SRP68: variants seen among roughly 807,000 people sequenced by gnomAD.
SRP68 encodes the protein signal recognition particle subunit SRP68.
In SRP68, 15 loss-of-function variants were observed where a neutral mutation model predicts 82.2. The ratio of observed to expected loss-of-function variants is 0.18; its 90% CI spans 0.12 to 0.28. The LOEUF (loss-of-function observed/expected upper bound fraction) is 0.28, where lower values mean the gene tolerates loss of function less well. Ranked by LOEUF, SRP68 falls within the 10% of genes least tolerant of loss-of-function variation. The pLI is 1.00. For synonymous variants in SRP68, 261 were observed against 292.6 expected (o/e 0.89, Z 1.10); for missense variants, 595 against 780.5 (o/e 0.76, Z 2.83).
Position 76,050,409 on chromosome 17 carries a change from G to A in SRP68, c.1077+19C>T. The A allele has an allele frequency of 6.3e-7, 1 of 1,591,560 alleles. No homozygotes were observed. Among genetic ancestry groups the A allele is most frequent in the African/African-American group, 1.3e-5 (1 of 74,556 alleles). On this transcript the variant is annotated intron_variant, in intron 9 of 15. Transcript: ENST00000307877. ...GGACCCGCCCAGAGCAAGAACCAGG[G>A]CTCGGCTGAGGGTCCTACCTGATCT...
chr17:76,048,202 G>A (rs967686903), intron 9 of SRP68: 2 of 240,942 alleles, frequency 8.3e-6, no homozygotes, highest in Non-Finnish European at 8.1e-6. Context: ...TGAGAGTAAC[G>A]GCCAGATGAG....
chr17:76,042,218 A>G (rs1466210867), intron 13 of SRP68, among the ~76,000 whole-genome samples: 1 of 151,988 alleles, frequency 6.6e-6, no homozygotes, highest in Non-Finnish European at 1.5e-5. Flanking sequence ...CTACTTGTCA[A>G]ATATACATGG....
Position 76,057,497 on chromosome 17 carries a change from T to C in SRP68, c.884A>G (p.Glu295Gly). The change falls in exon 8 of 16, where the codon GAA becomes GGA. Residue 295 changes from glutamate (E) to glycine (G), a missense_variant. Around this residue, in one of 2 missense-constraint regions of SRP68, gnomAD observed 495 missense variants for 688.6 expected, o/e 0.72. Transcript: ENST00000307877. ...AACCGTTCTCCCTCTCCACTCCACT[T>C]CACTCATGGTAGCTGCCTGTTTGGC... ...TRAKQAATMSEVEWRGRTVPV... is the reference protein window; with the variant it reads ...TRAKQAATMSGVEWRGRTVPV... 1 of 1,614,158 alleles carries C rather than the reference T, an allele frequency of 6.2e-7. No individual in the cohort carries two copies. Among genetic ancestry groups the C allele is most frequent in the Non-Finnish European group, 8.5e-7 (1 of 1,180,030 alleles).
intron 8 of SRP68, chr17:76,053,714 T>G: frequency 1.0e-5 from 9 of 891,752 alleles, no homozygotes; most frequent in Non-Finnish European, 1.2e-5. Context: ...CACACTGCAA[T>G]GACTCAGACC....
At position 76,067,341 on chromosome 17, in the gene SRP68, C is replaced by A; in HGVS notation, c.252-11G>T. On this transcript the variant is annotated splice_polypyrimidine_tract_variant and intron_variant, in intron 2 of 15. Coordinates refer to ENST00000307877, the MANE Select transcript of SRP68 (RefSeq NM_014230.4). ...CGGGAACAGTAGCCCCTGTAAGAAA[C>A]CACAAACAAAACTCACTCAGCCAAG... 6.2e-7 allele frequency: 1 copy of A among 1,600,464 alleles called. No individual in the cohort carries two copies. The highest frequency in any genetic ancestry group is 1.1e-5 in the South Asian group (1 of 89,700).
At chr17:76,069,642 G>A (rs1464668227) in intron 2 of SRP68, among the ~76,000 whole-genome samples, 1 of 151,998 alleles carries the variant, frequency 6.6e-6, no homozygotes, top group African/African-American at 2.4e-5. Context: ...GGGAGGCGGA[G>A]GTTGCAGTGA....
chr17:76,072,326 C>A lies in SRP68; in HGVS notation c.166G>T (p.Asp56Tyr). 1 of 1,612,406 alleles carries A rather than the reference C, an allele frequency of 6.2e-7. No individual in the cohort carries two copies. Among genetic ancestry groups the A allele is most frequent in the Non-Finnish European group, 8.5e-7 (1 of 1,179,522 alleles). The change falls in exon 1 of 16, where the codon GAT (aspartate) becomes TAT (tyrosine). Residue 56 changes from aspartate to tyrosine, a missense_variant. Asp to Tyr is a radical substitution (Grantham distance 160). Coordinates refer to ENST00000307877, the MANE Select transcript of SRP68 (RefSeq NM_014230.4). This position sits in a 1 kb window ranked among gnomAD's most constrained non-coding sequence, Gnocchi z 4.5. ...AGGATACTCTCCAAACTCAGGCTAT[C>A]CCCAAATTCTTTGTTTGCCTTCGAT... The part of the protein sequence containing the change: ...AGSKANKEFG[D>Y]SLSLEILQII...
Position 76,061,419 on chromosome 17 carries a change from C to CT in SRP68, c.644+72dup, listed in dbSNP as rs2066751331. 3.0e-6 allele frequency: 4 copies of CT among 1,332,304 alleles called. No individual in the cohort carries two copies. The Admixed American group carries it at 7.0e-5, about 23-fold the overall frequency. The allele number at this position is 1,332,304 out of a possible 1,614,324, so 82.5% of individuals were successfully genotyped here. A position where few individuals can be genotyped will look rare whatever the true frequency, so the allele number is the denominator to read the frequency against. Reference sequence around the variant, plus strand: ...CCCTCACTTTCACAGAAACAATCCACTATCTGATCTGCAGCTTAAATTTGA... The same window carrying CT: ...CCCTCACTTTCACAGAAACAATCCACTTATCTGATCTGCAGCTTAAATTTGA... On this transcript the variant is annotated intron_variant, in intron 5 of 15. Coordinates refer to ENST00000307877, the MANE Select transcript of SRP68 (RefSeq NM_014230.4).
chr17:76,056,115 A>G lies in SRP68; in HGVS notation c.978+1288T>C, dbSNP rs148334368. 1.7e-4 allele frequency among the ~76,000 whole-genome samples: 26 copies of G among 152,128 alleles called. No homozygotes were observed. The East Asian group carries it at 4.8e-3, about 28-fold the overall frequency. On this transcript the variant is annotated intron_variant, in intron 8 of 15. Transcript: ENST00000307877. ...GCCATGAGCCACCGTGCCAGCAGTA[A>G]CTTTTCAAAATTACTTAATAAATGC...
rs1454900123 is a variant in SRP68 at position 76,050,566 on chromosome 17, G to A, written c.979-40C>T. On this transcript the variant is annotated intron_variant, in intron 8 of 15. Transcript: ENST00000307877. ...ATCAAAGTAAGAGACTTTCCTTTGA[G>A]CAAACCATAGTCACCTAATGGGAGA... is the stretch of plus-strand genomic sequence containing the variant. The A allele has an allele frequency of 4.0e-6, 6 of 1,514,150 alleles. No homozygotes were observed. In the South Asian group the frequency reaches 4.5e-5, roughly 11 times the overall value. 93.8% of individuals were successfully genotyped at this position (1,514,150 alleles called of 1,614,324 possible).
Position 76,039,254 on chromosome 17 carries a change from T to C in SRP68, c.*452A>G, listed in dbSNP as rs1444259635. 1 of 443,510 alleles carries C rather than the reference T, an allele frequency of 2.3e-6. No individual in the cohort carries two copies. The highest frequency in any genetic ancestry group is 4.6e-6 in the Non-Finnish European group (1 of 218,134). The allele number at this position is 443,510 out of a possible 1,614,324, so 27.5% of individuals were successfully genotyped here. A position where few individuals can be genotyped will look rare whatever the true frequency, so the allele number is the denominator to read the frequency against. On this transcript the variant is annotated 3_prime_UTR_variant, in exon 16 of 16. Transcript: ENST00000307877. ...AATAAGGCTGACCGTAATTCTGGGG[T>C]GACGTTGCCAGTTTCATAGTCATAG...
chr17:76,072,479 T>G lies in SRP68; in HGVS notation c.13A>C (p.Lys5Gln). The G allele has an allele frequency of 3.2e-6, 5 of 1,582,226 alleles. No homozygotes were observed. The highest frequency in any genetic ancestry group is 4.3e-6 in the Non-Finnish European group (5 of 1,171,844). MAAE[K>Q]QVPGGGGGGG... ...CCGCCGCCGCCGCCTGGGACCTGCT[T>G]CTCAGCAGCCATCTTGCCCCTGCGC... Residue 5 changes from lysine (K) to glutamine (Q), a missense_variant, in exon 1 of 16, where the codon AAG becomes CAG. By Grantham distance (53) the Lys-to-Gln change is moderately conservative (BLOSUM62 1). Coordinates refer to ENST00000307877, the MANE Select transcript of SRP68 (RefSeq NM_014230.4). The surrounding 1 kb of genome is among the most constrained non-coding windows in gnomAD (Gnocchi z 4.5).
intron 13 of SRP68, 89 bp downstream of exon 13, chr17:76,043,740 G>A (rs968022370): frequency 1.0e-4 from 147 of 1,413,652 alleles, no homozygotes; most frequent in Non-Finnish European, 1.3e-4. Flanking sequence ...AGCCTGAGGT[G>A]GCGCCCAGCT....
chr17:76,044,308 C>A (rs1352435223), intron 12 of SRP68, among the ~76,000 whole-genome samples: 1 of 152,220 alleles, frequency 6.6e-6, no homozygotes. Context: ...CCCATCCACA[C>A]ACCCAAGTCG....
Position 76,064,052 on chromosome 17 carries a change from G to A in SRP68, c.485C>T (p.Ala162Val). ...TTCCAATTCCTCTGCATGCTTCACG[G>A]CTTTGCGTAGGCGAGATAACAAGTG... The part of the protein sequence containing the change: ...RFHLLSRLRK[A>V]VKHAEELERL... The change falls in exon 4 of 16, where the codon GCC becomes GTC. Residue 162 changes from alanine to valine, a missense_variant. Physicochemically the swap from Ala to Val is moderately conservative, Grantham distance 64. Transcript: ENST00000307877. 2 of 1,614,226 alleles carry A rather than the reference G, an allele frequency of 1.2e-6. No homozygotes were observed. The highest frequency in any genetic ancestry group is 1.7e-6 in the Non-Finnish European group (2 of 1,180,044).
In SRP68 at chr17:76,039,756, T is replaced by C; in HGVS notation, c.1834A>G (p.Lys612Glu). Residue 612 changes from lysine to glutamate, a missense_variant, in exon 16 of 16, where the codon AAG becomes GAG. By Grantham distance (56) the Lys-to-Glu change is moderately conservative. Transcript: ENST00000307877. ...TTGATGTATCCAGTGAGGCCACTCT[T>C]GGTCTTCTGTTCCAACTTGTCCTCA... ...PLEDKLEQKT[K>E]SGLTGYIKGI... is the part of the protein sequence containing the mutation. The C allele has an allele frequency of 6.2e-7, 1 of 1,614,230 alleles. No homozygotes were observed. The highest frequency in any genetic ancestry group is 8.5e-7 in the Non-Finnish European group (1 of 1,180,042).
chr17:76,065,832 C>T (rs975360899), intron 3 of SRP68, among the ~76,000 whole-genome samples: 7 of 151,646 alleles, frequency 4.6e-5, no homozygotes, highest in African/African-American at 1.5e-4. Flanking sequence ...TGTAGCATTC[C>T]CTGGTTTGCA....
intron 7 of SRP68, among the ~76,000 whole-genome samples, chr17:76,059,733 AGT>A (rs2066737241): frequency 6.8e-6 from 1 of 147,606 alleles, no homozygotes; most frequent in African/African-American, 2.5e-5. Flanking sequence ...GATCACTTGC[AGT>A]GAGCTGAGAT....
rs908705042 is a variant in SRP68 at position 76,072,199 on chromosome 17, C to T, written c.184+109G>A. The stretch of plus-strand genomic sequence containing the variant: ...AAGGTAAGGGCGAGAGAAACTGCAA[C>T]CCTCGGCCTCTCCTGCCAGGACTTG... On this transcript the variant is annotated intron_variant, in intron 1 of 15. Transcript: ENST00000307877. The surrounding 1 kb of genome is among the most constrained non-coding windows in gnomAD (Gnocchi z 4.5). The T allele has an allele frequency of 2.8e-5, 44 of 1,572,258 alleles. No homozygotes were observed. The highest frequency in any genetic ancestry group is 3.6e-5 in the Non-Finnish European group (42 of 1,168,914).
Sources: gnomAD v4.1 joint callset for allele counts (sites outside exome capture counted in the v4.1 genomes callset) on GRCh38, gnomAD v4.1.1 for gene constraint, gnomAD v4.1.1 regional missense constraint, Gnocchi (gnomAD v3.1) non-coding constraint, MANE v1.5 for transcripts, NCBI Gene and HGNC (gene_info 2026-07-23, HGNC 2026-07-21) for gene names.